Variants in ATG7 observed in about 807,000 individuals in gnomAD.
ATG7 encodes autophagy related 7, also known as ubiquitin-like modifier-activating enzyme ATG7.
ATG7 carries 70 observed loss-of-function variants against 82.4 expected under a neutral mutation model. That is an observed-to-expected ratio of 0.85 (90% CI 0.70 to 1.04). ATG7 has a LOEUF of 1.04. Among genes scored for constraint, ATG7 ranks in the 50% least tolerant of loss-of-function variants. The pLI is 0.00. For synonymous variants in ATG7, 287 were observed against 313.0 expected, an observed-to-expected ratio of 0.92 and a Z score of 0.88; for missense variants, 792 against 864.3, an observed-to-expected ratio of 0.92 and a Z score of 1.05.
intron 19 of ATG7, among the ~76,000 whole-genome samples, chr3:11,404,055 T>G (rs1435756680): frequency 6.6e-6 from 1 of 151,960 alleles, no homozygotes; most frequent in African/African-American, 2.4e-5. Context: ...TCTCAAATAT[T>G]GGATTAATTG....
intron 20 of ATG7, among the ~76,000 whole-genome samples, chr3:11,451,701 T>G (rs1440948523): frequency 6.6e-6 from 1 of 151,608 alleles, no homozygotes; most frequent in East Asian, 1.9e-4. Context: ...GGACACAGAT[T>G]TTATACGAAT....
chr3:11,411,625 A>AAAAAAAAG, intron 19 of ATG7, among the ~76,000 whole-genome samples: 2 of 77,304 alleles, frequency 2.6e-5, no homozygotes, highest in South Asian at 1.0e-3. Context: ...TCTCCAAAAA[A>AAAAAAAAG]AAAAAAAAAA....
chr3:11,468,148 G>T (rs760076450), intron 20 of ATG7, among the ~76,000 whole-genome samples: 1 of 152,168 alleles, frequency 6.6e-6, no homozygotes, highest in Non-Finnish European at 1.5e-5. Flanking sequence ...ATCCCTGCTC[G>T]CCCTTTGAGG....
intron 20 of ATG7, among the ~76,000 whole-genome samples, chr3:11,539,650 T>C (rs1408502246): frequency 6.6e-6 from 1 of 152,260 alleles, no homozygotes; most frequent in Non-Finnish European, 1.5e-5. Flanking sequence ...TTGGTAATTA[T>C]TGTAAATATG....
intron 20 of ATG7, among the ~76,000 whole-genome samples, chr3:11,437,334 C>T (rs771564447): frequency 9.2e-5 from 14 of 152,122 alleles, no homozygotes; most frequent in Non-Finnish European, 1.6e-4. Flanking sequence ...CTATGGATAG[C>T]CTGTAAACAC....
chr3:11,527,207 C>A (rs1220918056), intron 20 of ATG7, among the ~76,000 whole-genome samples: 1 of 151,902 alleles, frequency 6.6e-6, no homozygotes, highest in Non-Finnish European at 1.5e-5. Flanking sequence ...CAAGTTTGAG[C>A]AGTTCTCCTG....
chr3:11,462,750 T>C (rs1033608036), intron 20 of ATG7, among the ~76,000 whole-genome samples: 19 of 152,182 alleles, frequency 1.2e-4, no homozygotes, highest in Admixed American at 8.5e-4. Context: ...CCAGGGGCAG[T>C]CTTCCCAGCT....
chr3:11,517,496 C>T (rs765689504), intron 20 of ATG7, among the ~76,000 whole-genome samples: 27 of 152,264 alleles, frequency 1.8e-4, no homozygotes, highest in Non-Finnish European at 3.1e-4. Context: ...CCTGTCCTTA[C>T]GGATCTCTGG....
chr3:11,358,318 T>A (rs1161372785), intron 14 of ATG7, 100 bp from the exon 15 acceptor site: 1 of 1,208,276 alleles, frequency 8.3e-7, no homozygotes, highest in Non-Finnish European at 1.2e-6. Context: ...CTCTCATGTA[T>A]GTGAACACAA....
chr3:11,478,296 A>C (rs1574904491), intron 20 of ATG7, among the ~76,000 whole-genome samples: 1 of 152,224 alleles, frequency 6.6e-6, no homozygotes, highest in African/African-American at 2.4e-5. Flanking sequence ...TTTTAGAAAC[A>C]TCCCATTTTG....
At chr3:11,505,338 G>C (rs752540383) in intron 20 of ATG7, among the ~76,000 whole-genome samples, 11 of 152,178 alleles carry the variant, frequency 7.2e-5, no homozygotes, top group Non-Finnish European at 1.5e-4. Context: ...CTGGCTCTAA[G>C]GAAGCTTGGG....
At chr3:11,293,455 C>T (rs1478622373) in intron 3 of ATG7, among the ~76,000 whole-genome samples, 2 of 148,808 alleles carry the variant, frequency 1.3e-5, no homozygotes, top group Non-Finnish European at 3.0e-5. Flanking sequence ...CACTTGAACC[C>T]GGGAGGTGAA....
downstream of ATG7, chr3:11,558,012 T>G (rs921183390): frequency 6.4e-6 from 1 of 155,850 alleles, no homozygotes; most frequent in Admixed American, 6.2e-5. Context: ...TTCAGCAGTT[T>G]GCCCTCAGAG....
chr3:11,509,791 G>A (rs1231928966), intron 20 of ATG7, among the ~76,000 whole-genome samples: 1 of 152,150 alleles, frequency 6.6e-6, no homozygotes, highest in African/African-American at 2.4e-5. Context: ...GTACCGTTTG[G>A]TGCCAGCACT....
intron 20 of ATG7, among the ~76,000 whole-genome samples, chr3:11,453,208 G>A (rs987293348): frequency 1.3e-5 from 2 of 152,202 alleles, no homozygotes; most frequent in African/African-American, 4.8e-5. Flanking sequence ...ACAGACGGGG[G>A]GCGTGGGCCT....
intron 20 of ATG7, among the ~76,000 whole-genome samples, chr3:11,476,364 C>T (rs1331114017): frequency 6.6e-6 from 1 of 151,464 alleles, no homozygotes; most frequent in Non-Finnish European, 1.5e-5. Context: ...GCCGTGGATG[C>T]GTCAACAATG....
rs148815680 is a variant in ATG7 at position 11,471,741 on chromosome 3, A to ATTT, written c.2079+44816_2079+44818dup. The stretch of plus-strand genomic sequence containing the variant: ...AGTACTTCATAGATTGGCTTTTTAG[A>ATTT]TTTCTTTTTTTTTTTTTTTTGAAAT... On this transcript the variant is annotated intron_variant, in intron 20 of 20. Transcript: ENST00000693202. Among the ~76,000 whole-genome samples the ATTT allele has an allele frequency of 7.6e-3, 232 of 30,376 alleles. 3 individuals are homozygous for ATTT. The highest frequency in any genetic ancestry group is 0.037 in the African/African-American group (210 of 5,750). The allele number at this position is 30,376 out of a possible 152,430, so 19.9% of individuals were successfully genotyped here.
At chr3:11,548,567 T>A (rs1309325667) in intron 20 of ATG7, among the ~76,000 whole-genome samples, 3 of 152,250 alleles carry the variant, frequency 2.0e-5, no homozygotes, top group Non-Finnish European at 2.9e-5. Flanking sequence ...CTTTTATCGT[T>A]CCTGTGTTTA....
At chr3:11,432,559 G>T (rs2082994343) in intron 20 of ATG7, among the ~76,000 whole-genome samples, 1 of 151,924 alleles carries the variant, frequency 6.6e-6, no homozygotes, top group South Asian at 2.1e-4. Flanking sequence ...TACACTGCTT[G>T]GGTGACAAGT....
Sources: gnomAD v4.1 joint callset for allele counts (sites outside exome capture counted in the v4.1 genomes callset) on GRCh38, gnomAD v4.1.1 for gene constraint, MANE v1.5 for transcripts, NCBI Gene and HGNC (gene_info 2026-07-23, HGNC 2026-07-21) for gene names.